Variants in TMPRSS11B observed in about 807,000 individuals in gnomAD.
The protein encoded by TMPRSS11B is transmembrane serine protease 11B.
Under a neutral mutation model 44.7 loss-of-function variants are expected in TMPRSS11B, and 53 were observed. That is an observed-to-expected ratio of 1.19 (90% CI 0.95 to 1.49). The LOEUF (loss-of-function observed/expected upper bound fraction) is 1.49. TMPRSS11B is among the 40% of genes most tolerant of loss of function. TMPRSS11B has a pLI of 0.00. For synonymous variants in TMPRSS11B, 140 were observed against 159.2 expected, an observed-to-expected ratio of 0.88 and a Z score of 0.91; for missense variants, 526 against 494.8, an observed-to-expected ratio of 1.06 and a Z score of -0.60.
chr4:68,243,848 C>A (rs1166178211), intron 1 of TMPRSS11B, among the ~76,000 whole-genome samples: 1 of 151,938 alleles, frequency 6.6e-6, no homozygotes, highest in East Asian at 1.9e-4. Flanking sequence ...ACTGCTTTAC[C>A]CAGCTTAAAA....
rs139959535 is a variant in TMPRSS11B, at chr4:68,230,257, C to G, written c.687-741G>C. ...ATGGCTTTTTGGTAGAACAATTTAT[C>G]TTCCTTTGGATATACTCAATTTTTG... is the stretch of plus-strand genomic sequence containing the variant. On this transcript the variant is annotated intron_variant, in intron 7 of 9. Coordinates refer to ENST00000332644, the MANE Select transcript of TMPRSS11B (RefSeq NM_182502.3). 2.6e-4 allele frequency among the ~76,000 whole-genome samples: 39 copies of G among 152,254 alleles called. 1 individual carries two copies. Among genetic ancestry groups the G allele is most frequent in the African/African-American group, 9.4e-4 (39 of 41,556 alleles).
At position 68,234,462 on chromosome 4, in the gene TMPRSS11B, C is replaced by T. The variant is rs1449125733; in HGVS notation, c.469+1G>A. ...GAAAATAATGGAAATAAGTCAAATA[C>T]CCATGAGTTTAATGGAAGCAGGAAC... On this transcript the variant is annotated splice_donor_variant, in intron 5 of 9. Transcript: ENST00000332644. LOFTEE classifies it high-confidence loss of function. 2 of 1,612,478 alleles carry T rather than the reference C, an allele frequency of 1.2e-6. No homozygotes were observed. The highest frequency in any genetic ancestry group is 2.2e-5 in the East Asian group (1 of 44,820).
chr4:68,245,061 C>G (rs1231976729), intron 1 of TMPRSS11B, among the ~76,000 whole-genome samples: 2 of 152,130 alleles, frequency 1.3e-5, no homozygotes, highest in Non-Finnish European at 2.9e-5. Context: ...GAAAGGAAGT[C>G]ATTGGAAAAT....
chr4:68,236,929 T>C (rs984961600), intron 2 of TMPRSS11B, among the ~76,000 whole-genome samples: 28 of 149,578 alleles, frequency 1.9e-4, no homozygotes, highest in African/African-American at 6.4e-4. Context: ...ATTATTATTA[T>C]TATTATTATT....
intron 5 of TMPRSS11B, among the ~76,000 whole-genome samples, chr4:68,233,869 A>C (rs919726151): frequency 6.6e-6 from 1 of 152,014 alleles, no homozygotes; most frequent in African/African-American, 2.4e-5. Flanking sequence ...AAAAGCAAGG[A>C]GTAGAAAAGA....
intron 2 of TMPRSS11B, among the ~76,000 whole-genome samples, chr4:68,239,908 A>T (rs1235112622): frequency 1.3e-5 from 2 of 152,276 alleles, no homozygotes; most frequent in South Asian, 2.1e-4. Flanking sequence ...TATTAGATAA[A>T]CTATCTGAAG....
intron 9 of TMPRSS11B, 28 bp from the exon 10 acceptor site, chr4:68,228,100 CT>C (rs761621278): frequency 6.4e-7 from 1 of 1,561,864 alleles, no homozygotes; most frequent in Non-Finnish European, 8.6e-7. Flanking sequence ...AAAAATGTTT[CT>C]TGTCTTAACA....
At chr4:68,243,705 A>G (rs562793879) in intron 1 of TMPRSS11B, among the ~76,000 whole-genome samples, 7 of 152,098 alleles carry the variant, frequency 4.6e-5, no homozygotes, top group Non-Finnish European at 8.8e-5. Flanking sequence ...TAAGGTCTCA[A>G]ATTTGTTTGG....
In TMPRSS11B at chr4:68,240,018, A is replaced by C. The variant is rs879217928; in HGVS notation, c.124+1671T>G. Among the ~76,000 whole-genome samples the C allele has an allele frequency of 2.0e-5, 3 of 152,212 alleles. 1 individual carries two copies. Among genetic ancestry groups the C allele is most frequent in the Admixed American group, 2.0e-4 (3 of 15,274 alleles). Reference sequence around the variant, plus strand: ...ATGAACCAAAGTCATTTCTAGAATAATGATCTTTGTGAAATACTTATCTCT... The same window carrying C: ...ATGAACCAAAGTCATTTCTAGAATACTGATCTTTGTGAAATACTTATCTCT... On this transcript the variant is annotated intron_variant, in intron 2 of 9. Coordinates refer to ENST00000332644, the MANE Select transcript of TMPRSS11B (RefSeq NM_182502.3).
intron 2 of TMPRSS11B, among the ~76,000 whole-genome samples, chr4:68,239,579 C>G (rs192478141): frequency 4.0e-4 from 61 of 152,282 alleles, no homozygotes; most frequent in Non-Finnish European, 7.4e-4. Context: ...ATATTCTATA[C>G]TGTGGTCAGT....
chr4:68,231,142 C>G, intron 7 of TMPRSS11B, 61 bp downstream of exon 7: 1 of 1,464,178 alleles, frequency 6.8e-7, no homozygotes, highest in Middle Eastern at 2.5e-4. Context: ...TTAACCCCTA[C>G]AAACTATCCA....
rs547234094 is a variant in TMPRSS11B at position 68,245,458 on chromosome 4, A to T, written c.8+93T>A. The stretch of plus-strand genomic sequence containing the variant: ...AGTGTCCAGGAATAAAAACTAAATT[A>T]TAAAAACAGTCAATTAACAAAAAAC... On this transcript the variant is annotated intron_variant, in intron 1 of 9. Transcript: ENST00000332644. The T allele has an allele frequency of 5.3e-5, 72 of 1,354,740 alleles. No homozygotes were observed. The African/African-American group carries it at 9.6e-4, about 18-fold the overall frequency. The allele number at this position is 1,354,740 out of a possible 1,614,324, so 83.9% of individuals were successfully genotyped here.
intron 1 of TMPRSS11B, among the ~76,000 whole-genome samples, chr4:68,244,938 T>G (rs1284077730): frequency 6.6e-6 from 1 of 152,202 alleles, no homozygotes; most frequent in African/African-American, 2.4e-5. Flanking sequence ...TAGAAAACTT[T>G]AAATCATTAG....
Position 68,232,412 on chromosome 4 carries a change from G to A in TMPRSS11B, c.474C>T (p.Ile158=), listed in dbSNP as rs1468770580. The A allele has an allele frequency of 2.5e-6, 4 of 1,611,270 alleles. No homozygotes were observed. Among genetic ancestry groups the A allele is most frequent in the Non-Finnish European group, 3.4e-6 (4 of 1,178,766 alleles). Reference sequence around the variant, plus strand: ...TAAGCATTTCAGAAGCAGCCTTGCTGATTTCTGAAAGTGAAAAACAAAACA... The same window carrying A: ...TAAGCATTTCAGAAGCAGCCTTGCTAATTTCTGAAAGTGAAAAACAAAACA... ...AVPASIKLME[I]SKAASEMLTN... Residue 158 remains isoleucine (I), a synonymous_variant, in exon 6 of 10, where the codon ATC becomes ATT. Coordinates refer to ENST00000332644, the MANE Select transcript of TMPRSS11B (RefSeq NM_182502.3).
intron 5 of TMPRSS11B, 51 bp downstream of exon 5, chr4:68,234,405 AAAAAAAT>A: frequency 6.5e-7 from 1 of 1,533,204 alleles, no homozygotes; most frequent in Non-Finnish European, 8.8e-7. Flanking sequence ...AGTACTTTTT[AAAAAAAT>A]AATCCAGAAA....
At chr4:68,239,462 A>G (rs1038324095) in intron 2 of TMPRSS11B, among the ~76,000 whole-genome samples, 3 of 152,200 alleles carry the variant, frequency 2.0e-5, no homozygotes, top group African/African-American at 7.2e-5. Flanking sequence ...TCCAGTCTCC[A>G]AGATTGTGAA....
intron 1 of TMPRSS11B, among the ~76,000 whole-genome samples, chr4:68,242,444 G>A (rs1325337626): frequency 8.1e-6 from 1 of 123,772 alleles, no homozygotes; most frequent in African/African-American, 3.1e-5. Context: ...TTAATTATAG[G>A]TTTGATAATT....
At chr4:68,244,065 T>G (rs376119333) in intron 1 of TMPRSS11B, among the ~76,000 whole-genome samples, 1 of 152,280 alleles carries the variant, frequency 6.6e-6, no homozygotes, top group African/African-American at 2.4e-5. Context: ...CTCTGGGAAT[T>G]TATTATTATT....
chr4:68,245,154 T>C (rs1213733429), intron 1 of TMPRSS11B, among the ~76,000 whole-genome samples: 1 of 152,200 alleles, frequency 6.6e-6, no homozygotes, highest in East Asian at 1.9e-4. Context: ...AAATATATAA[T>C]GGCATTCATA....
Sources: allele counts gnomAD v4.1 joint callset (sites outside exome capture counted in the v4.1 genomes callset), GRCh38; gene constraint gnomAD v4.1.1; transcripts MANE v1.5; gene names NCBI Gene and HGNC (gene_info 2026-07-23, HGNC 2026-07-21).